GRIK2: variants seen among roughly 807,000 people sequenced by gnomAD.
The protein encoded by GRIK2 is glutamate ionotropic receptor kainate type subunit 2, also known as glutamate receptor ionotropic, kainate 2.
GRIK2 carries 32 observed loss-of-function variants against 100.3 expected under a neutral mutation model. The observed-to-expected ratio is 0.32, with a 90% CI of 0.24 to 0.43. The LOEUF is 0.43. Ranked by LOEUF, GRIK2 falls within the 20% of genes least tolerant of loss-of-function variation. The pLI, the probability that GRIK2 is intolerant of heterozygous loss-of-function variation, is 1.00. For missense variants in GRIK2, 843 were observed against 1,114.9 expected, an observed-to-expected ratio of 0.76 and a Z score of 3.47; for synonymous variants, 417 against 389.4, an observed-to-expected ratio of 1.07 and a Z score of -0.83.
intron 2 of GRIK2, among the ~76,000 whole-genome samples, chr6:101,604,763 C>G (rs1325670198): frequency 1.3e-5 from 2 of 151,882 alleles, no homozygotes; most frequent in African/African-American, 2.4e-5. Context: ...TTTTTTCCTG[C>G]TCTTTGCTAA....
chr6:101,557,474 G>T (rs1463018153), intron 2 of GRIK2, among the ~76,000 whole-genome samples: 3 of 152,120 alleles, frequency 2.0e-5, no homozygotes, highest in Non-Finnish European at 4.4e-5. Context: ...GAGATGTGAG[G>T]CTTATTATTT....
chr6:101,664,233 A>G (rs1769845933), intron 4 of GRIK2, among the ~76,000 whole-genome samples: 1 of 152,168 alleles, frequency 6.6e-6, no homozygotes, highest in Non-Finnish European at 1.5e-5. Flanking sequence ...GCCCCATCTC[A>G]TTATACCAAA....
At chr6:101,467,887 A>ATTT (rs71028070) in intron 2 of GRIK2, among the ~76,000 whole-genome samples, 2,385 of 141,874 alleles carry the variant, frequency 0.017, 73 homozygotes, top group African/African-American at 0.055. Context: ...GTCCTTCCTT[A>ATTT]TTTTTTTTTT....
chr6:101,668,708 G>T (rs1770211550), intron 4 of GRIK2, among the ~76,000 whole-genome samples: 1 of 152,162 alleles, frequency 6.6e-6, no homozygotes, highest in African/African-American at 2.4e-5. Flanking sequence ...GATTAAGCCA[G>T]GTGGCAAATC....
chr6:101,928,511 T>C lies in GRIK2; in HGVS notation c.1964T>C (p.Leu655Ser). ...ATCATTTCTTCGTATACTGCTAACT[T>C]AGCCGCCTTTCTGACAGTGGAACGC... Reference protein sequence around the residue: ...LIIISSYTANLAAFLTVERME... With the variant: ...LIIISSYTANSAAFLTVERME... Residue 655 changes from leucine to serine, a missense_variant, in exon 14 of 17, where the codon TTA becomes TCA. Leu to Ser is a moderately radical substitution (Grantham distance 145). Coordinates refer to ENST00000369134, the MANE Select transcript of GRIK2 (RefSeq NM_021956.5). The C allele has an allele frequency of 6.2e-7, 1 of 1,604,622 alleles. No individual in the cohort carries two copies. The highest frequency in any genetic ancestry group is 8.5e-7 in the Non-Finnish European group (1 of 1,171,346).
chr6:101,398,604 T>C (rs1026856526), intron 1 of GRIK2, among the ~76,000 whole-genome samples: 4 of 152,216 alleles, frequency 2.6e-5, no homozygotes, highest in Non-Finnish European at 5.9e-5. Flanking sequence ...TTTAATGAAA[T>C]TCATCAGTTG....
intron 2 of GRIK2, among the ~76,000 whole-genome samples, chr6:101,540,079 T>C (rs1156609761): frequency 6.6e-6 from 1 of 151,892 alleles, no homozygotes; most frequent in African/African-American, 2.4e-5. Context: ...GGCATTTTTT[T>C]CACCTGATTT....
chr6:101,610,626 G>A (rs1461023892), intron 2 of GRIK2, among the ~76,000 whole-genome samples: 1 of 151,700 alleles, frequency 6.6e-6, no homozygotes, highest in African/African-American at 2.4e-5. Context: ...CAGTTCTTAA[G>A]GCAGTTTTAG....
intron 2 of GRIK2, among the ~76,000 whole-genome samples, chr6:101,538,898 C>G (rs1306512883): frequency 6.6e-6 from 1 of 151,524 alleles, no homozygotes; most frequent in Admixed American, 6.6e-5. Flanking sequence ...GCTTAGAATT[C>G]CAACCAAATT....
intron 7 of GRIK2, among the ~76,000 whole-genome samples, chr6:101,759,351 T>A (rs1460887043): frequency 6.6e-6 from 1 of 152,180 alleles, no homozygotes; most frequent in Non-Finnish European, 1.5e-5. Flanking sequence ...GTAGGGGTTG[T>A]AAAACAATTT....
intron 2 of GRIK2, among the ~76,000 whole-genome samples, chr6:101,409,108 ATGTGTGTGTGTGTGTGTG>A (rs67806970): frequency 1.8e-4 from 25 of 138,532 alleles, no homozygotes; most frequent in South Asian, 7.3e-4. Context: ...AACATTGTGT[ATGTGTGTGTGTGTGTGTG>A]TGTGTGTGTG....
rs1482610334 is a variant in GRIK2, at chr6:102,055,398, A to G, written c.2380A>G (p.Met794Val). 2 of 1,613,070 alleles carry G rather than the reference A, an allele frequency of 1.2e-6. No individual in the cohort carries two copies. Among genetic ancestry groups the G allele is most frequent in the Non-Finnish European group, 8.5e-7 (1 of 1,179,104 alleles). The change falls in exon 16 of 17, where the codon ATG (methionine) becomes GTG (valine). Residue 794 changes from methionine to valine, a missense_variant. This residue lies in a region of GRIK2 where 237 missense variants were observed against 388.0 expected (regional missense o/e 0.61). Transcript: ENST00000369134. ...GCAAGAGGAAGGCAAACTGCATATGATGAAGGAGAAATGGTGGAGGGGCAA... is the reference window on the plus strand; with the variant it reads ...GCAAGAGGAAGGCAAACTGCATATGGTGAAGGAGAAATGGTGGAGGGGCAA... ...QLQEEGKLHM[M>V]KEKWWRGNGC...
intron 2 of GRIK2, among the ~76,000 whole-genome samples, chr6:101,429,450 T>C (rs529172339): frequency 3.3e-5 from 5 of 152,176 alleles, no homozygotes; most frequent in Non-Finnish European, 5.9e-5. Flanking sequence ...GTCAGAATGA[T>C]AGCATAAGGG....
rs1404551432 is a variant in GRIK2 at position 101,637,744 on chromosome 6, A to G, written c.541+11107A>G. On this transcript the variant is annotated intron_variant, in intron 4 of 16. Transcript: ENST00000369134. Reference sequence around the variant, plus strand: ...GACACATACAGTGTCCATCATTGACACTCTCATGCCTCTCTGATTTTAAAT... The same window carrying G: ...GACACATACAGTGTCCATCATTGACGCTCTCATGCCTCTCTGATTTTAAAT... Among the ~76,000 whole-genome samples, 3 of 152,064 alleles carry G rather than the reference A, an allele frequency of 2.0e-5. 1 individual carries two copies. The highest frequency in any genetic ancestry group is 3.9e-4 in the East Asian group (2 of 5,160).
chr6:101,761,422 T>C (rs112304491), intron 7 of GRIK2, among the ~76,000 whole-genome samples: 4,391 of 152,192 alleles, frequency 0.029, 229 homozygotes, highest in African/African-American at 0.1. Flanking sequence ...AACTGACTCA[T>C]TAGGAAATCA....
At position 101,816,712 on chromosome 6, in the gene GRIK2, T is replaced by A. The variant is rs561467712; in HGVS notation, c.1204-1658T>A. 7.7e-3 allele frequency among the ~76,000 whole-genome samples: 1,173 copies of A among 151,934 alleles called. 2 individuals carry two copies. Among genetic ancestry groups the A allele is most frequent in the Non-Finnish European group, 0.011 (765 of 67,942 alleles). ...CTCAAAAATAGATAAATAAATAAATTAATTAATTTTTAAAAAATTAAATAG... is the reference window on the plus strand; with the variant it reads ...CTCAAAAATAGATAAATAAATAAATAAATTAATTTTTAAAAAATTAAATAG... On this transcript the variant is annotated intron_variant, in intron 9 of 16. Transcript: ENST00000369134.
chr6:101,513,270 A>AGTTTTTGTTT (rs1349933510), intron 2 of GRIK2, among the ~76,000 whole-genome samples: 1 of 152,162 alleles, frequency 6.6e-6, no homozygotes, highest in African/African-American at 2.4e-5. Flanking sequence ...TTTCTGTTTG[A>AGTTTTTGTTT]CAATTGGTTG....
At chr6:101,581,251 T>C (rs1242110097) in intron 2 of GRIK2, among the ~76,000 whole-genome samples, 1 of 151,262 alleles carries the variant, frequency 6.6e-6, no homozygotes, top group East Asian at 1.9e-4. Flanking sequence ...TGTGTATATA[T>C]ACACATATAT....
intron 2 of GRIK2, among the ~76,000 whole-genome samples, chr6:101,514,293 C>G (rs1299923868): frequency 6.6e-6 from 1 of 151,974 alleles, no homozygotes; most frequent in African/African-American, 2.4e-5. Context: ...TGGAGGAACA[C>G]CAGGGTTCTT....
Sources: allele counts gnomAD v4.1 joint callset (sites outside exome capture counted in the v4.1 genomes callset), GRCh38; gene constraint gnomAD v4.1.1; regional missense constraint gnomAD v4.1.1; transcripts MANE v1.5; gene names NCBI Gene and HGNC (gene_info 2026-07-23, HGNC 2026-07-21).